The following NDUFA9 variants were observed in gnomAD, a reference collection of about 807,000 sequenced individuals.
The protein encoded by NDUFA9 is NADH:ubiquinone oxidoreductase subunit A9, also known as NADH dehydrogenase [ubiquinone] 1 alpha subcomplex subunit 9, mitochondrial.
NDUFA9 carries 23 observed loss-of-function variants against 45.9 expected under a neutral mutation model. That is an observed-to-expected ratio of 0.50 (90% CI 0.36 to 0.71). The LOEUF (loss-of-function observed/expected upper bound fraction) is 0.71. Among genes scored for constraint, NDUFA9 ranks in the 30% least tolerant of loss-of-function variants. The pLI, the probability that NDUFA9 is intolerant of heterozygous loss-of-function variation, is 0.00. For synonymous variants in NDUFA9, 176 were observed against 170.5 expected (o/e 1.03, Z -0.25); for missense variants, 466 against 488.2 (o/e 0.95, Z 0.43).
At chr12:4,653,722 A>G in intron 1 of NDUFA9, 1 of 369,424 alleles carries the variant, frequency 2.7e-6, no homozygotes, top group African/African-American at 2.4e-5. Flanking sequence ...TTTTTTTTTA[A>G]TGTTCTGTAC....
chr12:4,650,902 A>T (rs1216037787), intron 1 of NDUFA9, among the ~76,000 whole-genome samples: 1 of 152,174 alleles, frequency 6.6e-6, no homozygotes, highest in Non-Finnish European at 1.5e-5. Flanking sequence ...GTTAGATGGG[A>T]TCAGACAATG....
chr12:4,654,687 A>G (rs1285917903), intron 2 of NDUFA9, 138 bp from the exon 3 acceptor site: 14 of 932,944 alleles, frequency 1.5e-5, no homozygotes, highest in Non-Finnish European at 2.2e-5. Context: ...CATCTTTAGC[A>G]TGGCAAAATA....
chr12:4,679,682 G>T (rs1246664160), intron 8 of NDUFA9, among the ~76,000 whole-genome samples: 1 of 152,150 alleles, frequency 6.6e-6, no homozygotes, highest in African/African-American at 2.4e-5. Flanking sequence ...GATTTGAATG[G>T]CAGGATAGGA....
chr12:4,684,288 G>A (rs1040141891), intron 9 of NDUFA9, among the ~76,000 whole-genome samples: 1 of 152,120 alleles, frequency 6.6e-6, no homozygotes, highest in Non-Finnish European at 1.5e-5. Context: ...TGTTTTTCAA[G>A]CCTTTAAACG....
rs1436276155 is a variant in NDUFA9 at position 4,654,892 on chromosome 12, C to G, written c.288C>G (p.Pro96=). The G allele has an allele frequency of 2.5e-6, 4 of 1,613,900 alleles. No homozygotes were observed. The highest frequency in any genetic ancestry group is 3.4e-6 in the Non-Finnish European group (4 of 1,179,908). Residue 96 remains proline (P), a synonymous_variant, in exon 3 of 11, where the codon CCC becomes CCG. Coordinates refer to ENST00000266544, the MANE Select transcript of NDUFA9 (RefSeq NM_005002.5). ...AATATGACATCATGCACCTTCGTCCCATGGGTGACCTGGGCCAGCTTCTGT... is the reference window on the plus strand; with the variant it reads ...AATATGACATCATGCACCTTCGTCCGATGGGTGACCTGGGCCAGCTTCTGT... ...CDKYDIMHLR[P]MGDLGQLLFL...
chr12:4,665,409 T>C (rs1218360706), intron 6 of NDUFA9, among the ~76,000 whole-genome samples: 2 of 152,216 alleles, frequency 1.3e-5, no homozygotes, highest in Non-Finnish European at 2.9e-5. Context: ...CCACGTGATG[T>C]GATTTCCTTC....
At chr12:4,669,681 C>T in intron 7 of NDUFA9, 60 bp from the exon 8 acceptor site, 4 of 1,080,508 alleles carry the variant, frequency 3.7e-6, no homozygotes, top group Non-Finnish European at 4.2e-6. Flanking sequence ...TCTATCTCTC[C>T]ATCTCCCATT....
At chr12:4,653,639 C>G in intron 1 of NDUFA9, 1 of 450,822 alleles carries the variant, frequency 2.2e-6, no homozygotes. Flanking sequence ...GCACTTCACT[C>G]CTTTTATCAT....
rs1946021463 is a variant in NDUFA9 at position 4,692,079 on chromosome 12, G to A, written c.*4971G>A. On this transcript the variant is annotated 3_prime_UTR_variant, in exon 11 of 11. Transcript: ENST00000266544. ...GCTGAGGGAAGATGTATGTCTCAAA[G>A]GGGAACTCAAATAATTTATAATTTT... The A allele has an allele frequency of 6.6e-6, 1 of 152,176 alleles. No homozygotes were observed. The highest frequency in any genetic ancestry group is 2.1e-4 in the South Asian group (1 of 4,822). The allele number at this position is 152,176 out of a possible 1,614,324, so 9.4% of individuals were successfully genotyped here.
At chr12:4,659,263 A>C in intron 5 of NDUFA9, 86 bp downstream of exon 5, 4 of 1,218,926 alleles carry the variant, frequency 3.3e-6, no homozygotes, top group Non-Finnish European at 4.7e-6. Context: ...AGAAGGGTTT[A>C]TCACAGACAT....
rs902793424 is a variant in NDUFA9, at chr12:4,689,058, G to A, written c.*1950G>A. The A allele has an allele frequency of 4.6e-5, 7 of 152,100 alleles. No homozygotes were observed. The highest frequency in any genetic ancestry group is 1.7e-4 in the African/African-American group (7 of 41,424). 9.4% of individuals were successfully genotyped at this position (152,100 alleles called of 1,614,324 possible). A position where few individuals can be genotyped will look rare whatever the true frequency, so the allele number is the denominator to read the frequency against. On this transcript the variant is annotated 3_prime_UTR_variant, in exon 11 of 11. Coordinates refer to ENST00000266544, the MANE Select transcript of NDUFA9 (RefSeq NM_005002.5). The stretch of plus-strand genomic sequence containing the variant: ...TGATATATTCATATAATCAATCAGT[G>A]TAATTGGGATATCCATCACCTTAAA...
intron 8 of NDUFA9, among the ~76,000 whole-genome samples, chr12:4,677,945 A>G (rs920022023): frequency 2.0e-5 from 3 of 152,346 alleles, no homozygotes; most frequent in Non-Finnish European, 4.4e-5. Context: ...ACACCATGGA[A>G]TACTATGCAG....
intron 3 of NDUFA9, 45 bp downstream of exon 3, chr12:4,654,967 T>A: frequency 6.6e-7 from 1 of 1,511,006 alleles, no homozygotes; most frequent in Non-Finnish European, 9.1e-7. Context: ...TATAAATTAC[T>A]AAGGTCATTT....
chr12:4,681,282 A>G (rs989762964), intron 8 of NDUFA9, among the ~76,000 whole-genome samples: 4 of 152,170 alleles, frequency 2.6e-5, no homozygotes, highest in African/African-American at 9.6e-5. Context: ...TTTTATGTGC[A>G]CAAAACACTG....
chr12:4,667,550 C>T, intron 6 of NDUFA9: 1 of 210,054 alleles, frequency 4.8e-6, no homozygotes, highest in South Asian at 4.6e-5. Flanking sequence ...CGCACTCTGA[C>T]ACCCAGGCTG....
chr12:4,650,857 G>T (rs763123750), intron 1 of NDUFA9, among the ~76,000 whole-genome samples: 6 of 152,144 alleles, frequency 3.9e-5, no homozygotes, highest in Non-Finnish European at 8.8e-5. Context: ...ATGACTACCT[G>T]AATATCTGGG....
intron 8 of NDUFA9, among the ~76,000 whole-genome samples, chr12:4,679,867 A>C (rs775737576): frequency 6.6e-6 from 1 of 152,192 alleles, no homozygotes; most frequent in Non-Finnish European, 1.5e-5. Context: ...CAGGAAAGAG[A>C]TGTCACTTCA....
intron 3 of NDUFA9, chr12:4,657,471 T>C (rs934095074): frequency 2.9e-5 from 9 of 311,918 alleles, no homozygotes; most frequent in Non-Finnish European, 4.8e-5. Context: ...CAAAAACTAA[T>C]ATGCTCCATT....
chr12:4,652,403 T>G (rs1271380755), intron 1 of NDUFA9, among the ~76,000 whole-genome samples: 1 of 152,232 alleles, frequency 6.6e-6, no homozygotes, highest in Non-Finnish European at 1.5e-5. Flanking sequence ...TGTATACTCC[T>G]CATCTACTTC....
Sources: allele counts gnomAD v4.1 joint callset (sites outside exome capture counted in the v4.1 genomes callset), GRCh38; gene constraint gnomAD v4.1.1; transcripts MANE v1.5; gene names NCBI Gene and HGNC (gene_info 2026-07-23, HGNC 2026-07-21).